The following SIPA1L1 variants were observed in gnomAD, a reference collection of about 807,000 sequenced individuals.
The protein encoded by SIPA1L1 is signal induced proliferation associated 1 like 1, also known as signal-induced proliferation-associated 1-like protein 1.
SIPA1L1 carries 26 observed loss-of-function variants against 162.7 expected under a neutral mutation model. That is an observed-to-expected ratio of 0.16 (90% CI 0.12 to 0.22). The LOEUF (loss-of-function observed/expected upper bound fraction) is 0.22, where lower values mean the gene tolerates loss of function less well. SIPA1L1 is among the 10% of genes least tolerant of loss of function. SIPA1L1 has a pLI of 1.00. For synonymous variants in SIPA1L1, 829 were observed against 837.4 expected, an observed-to-expected ratio of 0.99 and a Z score of 0.17; for missense variants, 1,874 against 2,241.0, an observed-to-expected ratio of 0.84 and a Z score of 3.31.
At chr14:71,574,023 TG>T in intron 4 of SIPA1L1, 1 of 276,862 alleles carries the variant, frequency 3.6e-6, no homozygotes, top group South Asian at 3.5e-5. Context: ...GCAGTTCTGG[TG>T]TTAGAAGGTA....
intron 4 of SIPA1L1, among the ~76,000 whole-genome samples, chr14:71,585,926 T>C (rs528487266): frequency 4.3e-4 from 65 of 152,346 alleles, no homozygotes; most frequent in Non-Finnish European, 7.3e-4. Context: ...TGCTGTCCTT[T>C]GATATCCTCG....
chr14:71,504,343 C>T (rs1048321544), intron 2 of SIPA1L1, among the ~76,000 whole-genome samples: 1 of 152,004 alleles, frequency 6.6e-6, no homozygotes, highest in East Asian at 1.9e-4. Flanking sequence ...GAATCAGAAC[C>T]GTGGGGATCA....
At chr14:71,690,448 C>G (rs1182228739) in intron 13 of SIPA1L1, among the ~76,000 whole-genome samples, 1 of 152,038 alleles carries the variant, frequency 6.6e-6, no homozygotes, top group Non-Finnish European at 1.5e-5. Flanking sequence ...GTGTCTCACT[C>G]TGTTGCCCAG....
chr14:71,594,345 A>AT (rs1219886708), intron 5 of SIPA1L1, among the ~76,000 whole-genome samples: 1 of 152,180 alleles, frequency 6.6e-6, no homozygotes, highest in African/African-American at 2.4e-5. Context: ...TTAGTGGATT[A>AT]TTTTTTAGTG....
intron 2 of SIPA1L1, among the ~76,000 whole-genome samples, chr14:71,436,577 A>G (rs1313108217): frequency 1.3e-5 from 2 of 152,006 alleles, no homozygotes; most frequent in African/African-American, 2.4e-5. Flanking sequence ...TGTTTGTTGT[A>G]TCCATTGATT....
At position 71,582,323 on chromosome 14, in the gene SIPA1L1, A is replaced by G. The variant is rs139929058; in HGVS notation, c.-302-5248A>G. ...AAACACCAGCCTGGGTGACAGAGCA[A>G]GACCCTGTCTCAAATAGTAATAATA... On this transcript the variant is annotated intron_variant, in intron 4 of 23. Coordinates refer to ENST00000381232, the MANE Select transcript of SIPA1L1 (RefSeq NM_001386936.1). 1.1e-4 allele frequency among the ~76,000 whole-genome samples: 16 copies of G among 152,270 alleles called. No homozygotes were observed. The East Asian group carries it at 2.9e-3, about 28-fold the overall frequency.
At chr14:71,460,866 A>G (rs558360127) in intron 2 of SIPA1L1, among the ~76,000 whole-genome samples, 6 of 152,166 alleles carry the variant, frequency 3.9e-5, no homozygotes, top group Non-Finnish European at 8.8e-5. Flanking sequence ...TCTACAAAGT[A>G]TTGTCAGCTA....
chr14:71,426,437 A>T (rs1050940479), intron 2 of SIPA1L1, among the ~76,000 whole-genome samples: 9 of 149,208 alleles, frequency 6.0e-5, no homozygotes, highest in Non-Finnish European at 1.3e-4. Flanking sequence ...TTACCATAGG[A>T]ATTACATTTA....
chr14:71,462,588 T>A (rs1376688071), intron 2 of SIPA1L1, among the ~76,000 whole-genome samples: 1 of 152,202 alleles, frequency 6.6e-6, no homozygotes, highest in African/African-American at 2.4e-5. Context: ...AGAAGGAATA[T>A]CTTGACAGGC....
At position 71,731,407 on chromosome 14, in the gene SIPA1L1, C is replaced by T. The variant is rs377202147; in HGVS notation, c.4861+1106C>T. ...TGTCTTTGCGCCAGGAAGTCACCTC[C>T]GATGAACCAAGGTTGGCACATGAAA... On this transcript the variant is annotated intron_variant, in intron 20 of 23. Coordinates refer to ENST00000381232, the MANE Select transcript of SIPA1L1 (RefSeq NM_001386936.1). Among the ~76,000 whole-genome samples, 42 of 152,274 alleles carry T rather than the reference C, an allele frequency of 2.8e-4. No homozygotes were observed. In the South Asian group the frequency reaches 7.3e-3, roughly 26 times the overall value.
intron 17 of SIPA1L1, among the ~76,000 whole-genome samples, chr14:71,723,261 C>T (rs2083911566): frequency 6.6e-6 from 1 of 152,178 alleles, no homozygotes; most frequent in Admixed American, 6.5e-5. Flanking sequence ...ACCACAATCC[C>T]TAGTTGTGAG....
At chr14:71,550,710 G>A (rs559340829) in intron 4 of SIPA1L1, among the ~76,000 whole-genome samples, 1 of 152,066 alleles carries the variant, frequency 6.6e-6, no homozygotes, top group South Asian at 2.1e-4. Flanking sequence ...CTTCAGACTT[G>A]TATTTCCAAT....
chr14:71,644,657 C>T (rs1353913741), intron 7 of SIPA1L1, among the ~76,000 whole-genome samples: 1 of 152,070 alleles, frequency 6.6e-6, no homozygotes, highest in East Asian at 1.9e-4. Context: ...GAAAATATTC[C>T]ATTGATCTTA....
intron 3 of SIPA1L1, among the ~76,000 whole-genome samples, chr14:71,518,686 A>G (rs1463732692): frequency 6.6e-6 from 1 of 152,064 alleles, no homozygotes; most frequent in South Asian, 2.1e-4. Context: ...CACGCCTGTA[A>G]TCCCAGCACT....
At chr14:71,581,377 G>T (rs1350446780) in intron 4 of SIPA1L1, among the ~76,000 whole-genome samples, 4 of 152,148 alleles carry the variant, frequency 2.6e-5, no homozygotes, top group Non-Finnish European at 5.9e-5. Flanking sequence ...GATGTCCTAA[G>T]CAAGGTGATA....
chr14:71,411,580 A>G (rs982578654), intron 2 of SIPA1L1, among the ~76,000 whole-genome samples: 1 of 152,210 alleles, frequency 6.6e-6, no homozygotes, highest in Non-Finnish European at 1.5e-5. Context: ...ACTCCGTTTC[A>G]GCTTTGGATA....
intron 7 of SIPA1L1, among the ~76,000 whole-genome samples, chr14:71,649,985 C>T (rs929395866): frequency 2.6e-5 from 4 of 152,072 alleles, no homozygotes; most frequent in African/African-American, 9.7e-5. Context: ...AGGGGGGACA[C>T]CATAAAAAAA....
At chr14:71,334,637 CTTATCTT>C (rs1056479790) in intron 2 of SIPA1L1, among the ~76,000 whole-genome samples, 2 of 152,150 alleles carry the variant, frequency 1.3e-5, no homozygotes, top group East Asian at 3.8e-4. Flanking sequence ...AAAAATGGCT[CTTATCTT>C]TCTCAAATTC....
At chr14:71,331,250 G>A (rs775469639) in intron 2 of SIPA1L1, among the ~76,000 whole-genome samples, 1 of 151,966 alleles carries the variant, frequency 6.6e-6, no homozygotes, top group East Asian at 1.9e-4. Flanking sequence ...CTATTCTATT[G>A]GTCTCTTTGT....
Sources: allele counts gnomAD v4.1 joint callset (sites outside exome capture counted in the v4.1 genomes callset), GRCh38; gene constraint gnomAD v4.1.1; transcripts MANE v1.5; gene names NCBI Gene and HGNC (gene_info 2026-07-23, HGNC 2026-07-21).